Variants in SLX4IP observed in about 807,000 individuals in gnomAD.
The protein encoded by SLX4IP is SLX4 interacting protein.
A neutral mutation model predicts 32.9 loss-of-function variants in SLX4IP; 34 were observed. The ratio of observed to expected loss-of-function variants is 1.03; its 90% confidence interval spans 0.79 to 1.38. SLX4IP has a LOEUF of 1.38. Among genes scored for constraint, SLX4IP ranks in the 40% most tolerant of loss-of-function variants. SLX4IP has a pLI of 0.00. For synonymous variants in SLX4IP, 172 were observed against 171.7 expected, an observed-to-expected ratio of 1.00 and a Z score of -0.01; for missense variants, 444 against 479.0, an observed-to-expected ratio of 0.93 and a Z score of 0.68.
chr20:10,448,420 T>C (rs1324737309), intron 1 of SLX4IP, among the ~76,000 whole-genome samples: 3 of 152,200 alleles, frequency 2.0e-5, no homozygotes, highest in African/African-American at 7.2e-5. Flanking sequence ...CAAGGGACAC[T>C]TTGCACTGTA....
chr20:10,450,928 G>A (rs1700299087), intron 1 of SLX4IP, among the ~76,000 whole-genome samples: 2 of 151,728 alleles, frequency 1.3e-5, no homozygotes, highest in South Asian at 4.2e-4. Context: ...ATTTTTTTGG[G>A]TTTTTAGTAG....
At chr20:10,577,166 G>A (rs2066532179) in intron 4 of SLX4IP, among the ~76,000 whole-genome samples, 1 of 152,094 alleles carries the variant, frequency 6.6e-6, no homozygotes, top group African/African-American at 2.4e-5. Context: ...TGCCCTTCAA[G>A]GTAGTGTGAA....
chr20:10,538,252 C>T (rs1169004553), intron 2 of SLX4IP, among the ~76,000 whole-genome samples: 1 of 150,756 alleles, frequency 6.6e-6, no homozygotes, highest in Non-Finnish European at 1.5e-5. Flanking sequence ...TACAAATTCT[C>T]CAGGGCTAAG....
At chr20:10,494,671 T>C (rs1019485345) in intron 2 of SLX4IP, among the ~76,000 whole-genome samples, 1 of 152,100 alleles carries the variant, frequency 6.6e-6, no homozygotes, top group Non-Finnish European at 1.5e-5. Context: ...TATTTTCTGC[T>C]TAATTTCTAC....
rs1380392339 is a variant in SLX4IP, at chr20:10,553,955, C to G, written c.28-2276C>G. Among the ~76,000 whole-genome samples the G allele has an allele frequency of 3.9e-5, 6 of 152,110 alleles. No individual in the cohort carries two copies. In the East Asian group the frequency reaches 1.2e-3, roughly 29 times the overall value. ...TAATACCTACATTTTAAATAACTGC[C>G]AACAAGTATGAGTGCATTTTACACA... On this transcript the variant is annotated intron_variant, in intron 2 of 7. Coordinates refer to ENST00000334534, the MANE Select transcript of SLX4IP (RefSeq NM_001009608.3).
At chr20:10,592,879 A>C (rs192081387) in intron 4 of SLX4IP, among the ~76,000 whole-genome samples, 1 of 151,878 alleles carries the variant, frequency 6.6e-6, no homozygotes, top group South Asian at 2.1e-4. Context: ...TGATCTGCCC[A>C]CCTTGGCCTC....
At chr20:10,578,785 T>C (rs557291743) in intron 4 of SLX4IP, among the ~76,000 whole-genome samples, 19 of 152,348 alleles carry the variant, frequency 1.2e-4, no homozygotes, top group Admixed American at 3.9e-4. Context: ...TATGAAGTGT[T>C]ATCTCATTGT....
rs1049057041 is a variant in SLX4IP, at chr20:10,439,809, T to C, written c.-30+4356T>C. On this transcript the variant is annotated intron_variant, in intron 1 of 7. Coordinates refer to ENST00000334534, the MANE Select transcript of SLX4IP (RefSeq NM_001009608.3). ...TAATTCATGCACATGAAGAAACCTA[T>C]TTATTAGGTAGCAAAGTAGAGATCT... is the stretch of plus-strand genomic sequence containing the variant. 2.4e-4 allele frequency among the ~76,000 whole-genome samples: 37 copies of C among 152,230 alleles called. 1 individual carries two copies. Among genetic ancestry groups the C allele is most frequent in the Admixed American group, 6.5e-5 (1 of 15,288 alleles).
At chr20:10,580,167 A>C (rs1329132268) in intron 4 of SLX4IP, among the ~76,000 whole-genome samples, 1 of 152,172 alleles carries the variant, frequency 6.6e-6, no homozygotes, top group Non-Finnish European at 1.5e-5. Flanking sequence ...ATGGGTCTTT[A>C]ATTCTCATTC....
intron 2 of SLX4IP, among the ~76,000 whole-genome samples, chr20:10,465,565 G>A (rs1361542464): frequency 2.6e-5 from 4 of 152,186 alleles, no homozygotes; most frequent in African/African-American, 9.7e-5. Context: ...GAGTGCGGTG[G>A]CAAGATCTTG....
At chr20:10,568,850 C>T (rs2066426382) in intron 4 of SLX4IP, among the ~76,000 whole-genome samples, 1 of 152,188 alleles carries the variant, frequency 6.6e-6, no homozygotes, top group Admixed American at 6.5e-5. Context: ...CATGCTGTGC[C>T]CTTCGTGAGA....
chr20:10,525,772 T>C (rs2065935558), intron 2 of SLX4IP, among the ~76,000 whole-genome samples: 1 of 152,236 alleles, frequency 6.6e-6, no homozygotes, highest in African/African-American at 2.4e-5. Context: ...CTGGACCAAC[T>C]GCATTCAAGG....
intron 4 of SLX4IP, among the ~76,000 whole-genome samples, chr20:10,593,639 A>G (rs972059398): frequency 4.6e-5 from 7 of 152,074 alleles, no homozygotes; most frequent in Non-Finnish European, 8.8e-5. Context: ...AGGAGGTTGA[A>G]GTGAGAGAAT....
chr20:10,479,048 C>G (rs567305949), intron 2 of SLX4IP, among the ~76,000 whole-genome samples: 33 of 152,340 alleles, frequency 2.2e-4, no homozygotes, highest in African/African-American at 7.2e-4. Flanking sequence ...CCTCCCCCTA[C>G]TCAGGCCTCT....
intron 4 of SLX4IP, among the ~76,000 whole-genome samples, chr20:10,570,946 C>T (rs1427241951): frequency 1.3e-5 from 2 of 152,242 alleles, no homozygotes; most frequent in African/African-American, 4.8e-5. Flanking sequence ...TCTCCCACCT[C>T]AGCCTCCCGA....
chr20:10,538,813 C>T (rs2066073859), intron 2 of SLX4IP, among the ~76,000 whole-genome samples: 1 of 152,210 alleles, frequency 6.6e-6, no homozygotes, highest in Non-Finnish European at 1.5e-5. Flanking sequence ...AGGTGTGAGC[C>T]ACCGCACCAG....
chr20:10,445,357 C>G (rs2065193466), intron 1 of SLX4IP, among the ~76,000 whole-genome samples: 3 of 145,670 alleles, frequency 2.1e-5, no homozygotes, highest in Non-Finnish European at 4.5e-5. Flanking sequence ...CTCTTGTTGC[C>G]CAGGCTGGAG....
intron 4 of SLX4IP, among the ~76,000 whole-genome samples, chr20:10,594,149 A>T (rs1056503370): frequency 3.9e-5 from 6 of 152,198 alleles, no homozygotes; most frequent in Admixed American, 6.5e-5. Context: ...TTGAATCTAG[A>T]TGGTGGGTTT....
chr20:10,551,873 A>G (rs1178905590), intron 2 of SLX4IP, among the ~76,000 whole-genome samples: 1 of 152,216 alleles, frequency 6.6e-6, no homozygotes, highest in Non-Finnish European at 1.5e-5. Context: ...GAGCTGCAGC[A>G]GGAGTGGACT....
Sources: allele counts gnomAD v4.1 joint callset (sites outside exome capture counted in the v4.1 genomes callset), GRCh38; gene constraint gnomAD v4.1.1; transcripts MANE v1.5; gene names NCBI Gene and HGNC (gene_info 2026-07-23, HGNC 2026-07-21).